DLGAP2: variants seen among roughly 807,000 people sequenced by gnomAD.
The protein encoded by DLGAP2 is disks large-associated protein 2.
A neutral mutation model predicts 100.3 loss-of-function variants in DLGAP2; 26 were observed. That is an observed-to-expected ratio of 0.26 (90% CI 0.19 to 0.36). The LOEUF is 0.36. DLGAP2 is among the 10% of genes least tolerant of loss of function. The pLI, the probability that DLGAP2 is intolerant of heterozygous loss-of-function variation, is 1.00. For synonymous variants in DLGAP2, 886 were observed against 630.1 expected (o/e 1.41, Z -6.08); for missense variants, 1,858 against 1,453.2 (o/e 1.28, Z -4.53).
chr8:1,673,118 T>C (rs984379689), intron 10 of DLGAP2, among the ~76,000 whole-genome samples: 2 of 152,140 alleles, frequency 1.3e-5, no homozygotes, highest in African/African-American at 2.4e-5. Flanking sequence ...TTCAAAACTT[T>C]AAGAGATGAG....
intron 3 of DLGAP2, among the ~76,000 whole-genome samples, chr8:1,274,443 C>T (rs979378932): frequency 6.7e-6 from 1 of 149,322 alleles, no homozygotes; most frequent in Non-Finnish European, 1.5e-5. Flanking sequence ...GAACATAAAC[C>T]ATAAAATGAG....
At chr8:1,421,569 T>C (rs1797088321) in intron 3 of DLGAP2, among the ~76,000 whole-genome samples, 1 of 152,212 alleles carries the variant, frequency 6.6e-6, no homozygotes, top group Non-Finnish European at 1.5e-5. Context: ...GTTATGAATA[T>C]TATGAAAGTT....
chr8:1,058,542 C>T (rs958518724), intron 2 of DLGAP2, among the ~76,000 whole-genome samples: 1 of 152,204 alleles, frequency 6.6e-6, no homozygotes, highest in Non-Finnish European at 1.5e-5. Context: ...TAATGTGGTT[C>T]AGCAATGGGG....
chr8:1,009,016 C>T (rs553267849), intron 2 of DLGAP2, among the ~76,000 whole-genome samples: 4 of 152,364 alleles, frequency 2.6e-5, no homozygotes, highest in Admixed American at 2.6e-4. Flanking sequence ...TCCAGTACCC[C>T]TTCCCACCCA....
At chr8:1,325,317 A>AG (rs1045524711) in intron 3 of DLGAP2, among the ~76,000 whole-genome samples, 20 of 152,170 alleles carry the variant, frequency 1.3e-4, no homozygotes, top group African/African-American at 4.6e-4. Flanking sequence ...CAAACAACTT[A>AG]GCATCTTAGA....
chr8:1,256,571 T>TGCTGTGTGCGTGTGCTCTACTGCCTGGGC lies in DLGAP2; in HGVS notation c.74-2274_74-2273insTGCGTGTGCTCTACTGCCTGGGCGCTGTG, dbSNP rs1240352708. Among the ~76,000 whole-genome samples, 165 of 139,254 alleles carry TGCTGTGTGCGTGTGCTCTACTGCCTGGGC rather than the reference T, an allele frequency of 1.2e-3. 2 individuals carry two copies. Among genetic ancestry groups the TGCTGTGTGCGTGTGCTCTACTGCCTGGGC allele is most frequent in the African/African-American group, 5.1e-3 (160 of 31,242 alleles). 91.4% of individuals were successfully genotyped at this position (139,254 alleles called of 152,430 possible). ...GTGTGTGTGTCCTTTCCTGCCCGGG[T>TGCTGTGTGCGTGTGCTCTACTGCCTGGGC]GCTGTGCGTGTGTACTCTCCTGCCC... On this transcript the variant is annotated intron_variant, in intron 2 of 14. Coordinates refer to ENST00000637795, the MANE Select transcript of DLGAP2 (RefSeq NM_001346810.2).
intron 3 of DLGAP2, among the ~76,000 whole-genome samples, chr8:1,435,736 C>T (rs1294770927): frequency 2.0e-5 from 3 of 151,870 alleles, no homozygotes; most frequent in Non-Finnish European, 2.9e-5. Flanking sequence ...GGCAGCTCCA[C>T]GTCTGTCACC....
chr8:1,548,451 T>A (rs1801621309), intron 4 of DLGAP2, among the ~76,000 whole-genome samples, 175 bp from the exon 5 acceptor site: 1 of 109,178 alleles, frequency 9.2e-6, no homozygotes, highest in Non-Finnish European at 1.7e-5. Context: ...AGAGCGAGAC[T>A]GTCTCAGAAA....
intron 2 of DLGAP2, among the ~76,000 whole-genome samples, chr8:1,214,633 TA>T (rs1161712409): frequency 3.9e-5 from 6 of 152,232 alleles, no homozygotes; most frequent in Non-Finnish European, 8.8e-5. Flanking sequence ...GCTTCTTCCC[TA>T]TTGTCTGTTT....
chr8:1,678,782 GA>G, intron 12 of DLGAP2, 153 bp downstream of exon 12: 1 of 818,786 alleles, frequency 1.2e-6, no homozygotes, highest in Non-Finnish European at 1.7e-6. Flanking sequence ...TCAATTCTAA[GA>G]AAAGATATAA....
At chr8:906,906 T>G (rs947823323) in intron 1 of DLGAP2, among the ~76,000 whole-genome samples, 2 of 152,216 alleles carry the variant, frequency 1.3e-5, no homozygotes, top group South Asian at 4.1e-4. Context: ...TTGTTTTCAA[T>G]TGATTATATT....
At chr8:1,124,515 A>G (rs1796122327) in intron 2 of DLGAP2, among the ~76,000 whole-genome samples, 1 of 152,202 alleles carries the variant, frequency 6.6e-6, no homozygotes, top group Non-Finnish European at 1.5e-5. Context: ...ATTACTCATC[A>G]AATATACTTT....
intron 6 of DLGAP2, among the ~76,000 whole-genome samples, chr8:1,577,607 G>A (rs956373677): frequency 6.7e-6 from 1 of 150,082 alleles, no homozygotes; most frequent in African/African-American, 2.5e-5. Context: ...GCAAGTAAAT[G>A]CCACAGGATA....
intron 1 of DLGAP2, among the ~76,000 whole-genome samples, chr8:757,545 T>C (rs568581069): frequency 2.1e-4 from 32 of 152,268 alleles, no homozygotes; most frequent in African/African-American, 7.5e-4. Flanking sequence ...CATTTGGGTT[T>C]TCCATTTGGA....
intron 3 of DLGAP2, among the ~76,000 whole-genome samples, chr8:1,428,875 C>T (rs1429468667): frequency 6.6e-6 from 1 of 152,194 alleles, no homozygotes; most frequent in Admixed American, 6.5e-5. Context: ...AGCTAGGTGA[C>T]TCCCATGCAC....
intron 2 of DLGAP2, among the ~76,000 whole-genome samples, chr8:1,256,450 AGGTGCTGTGCGTG>A (rs1563044938): frequency 1.1e-4 from 10 of 88,636 alleles, no homozygotes; most frequent in African/African-American, 5.0e-4. Flanking sequence ...TCTCCTGCCC[AGGTGCTGTGCGTG>A]TCCTCTCCTG....
intron 1 of DLGAP2, among the ~76,000 whole-genome samples, chr8:903,901 C>CA (rs1327867577): frequency 6.6e-6 from 1 of 152,238 alleles, no homozygotes; most frequent in Non-Finnish European, 1.5e-5. Context: ...AGCTCAGACT[C>CA]ACATTCGTCA....
At chr8:1,310,517 C>T (rs1413914482) in intron 3 of DLGAP2, among the ~76,000 whole-genome samples, 1 of 152,162 alleles carries the variant, frequency 6.6e-6, no homozygotes, top group Non-Finnish European at 1.5e-5. Context: ...ACAGAAGCAT[C>T]CACCTGACAA....
intron 2 of DLGAP2, among the ~76,000 whole-genome samples, chr8:1,106,684 T>G (rs915004607): frequency 8.0e-5 from 12 of 149,864 alleles, no homozygotes; most frequent in Non-Finnish European, 1.6e-4. Context: ...AGGAGGGTTT[T>G]CTACTGAAGG....
Sources: gnomAD v4.1 joint callset for allele counts (sites outside exome capture counted in the v4.1 genomes callset) on GRCh38, gnomAD v4.1.1 for gene constraint, MANE v1.5 for transcripts, NCBI Gene and HGNC (gene_info 2026-07-23, HGNC 2026-07-21) for gene names.